SMYD3: variants seen among roughly 807,000 people sequenced by gnomAD.
The protein encoded by SMYD3 is histone-lysine N-methyltransferase SMYD3.
A neutral mutation model predicts 57.7 loss-of-function variants in SMYD3; 36 were observed. That is an observed-to-expected ratio of 0.62 (90% CI 0.48 to 0.82). SMYD3 has a LOEUF of 0.82. Ranked by LOEUF, SMYD3 falls within the 40% of genes least tolerant of loss-of-function variation. The probability of loss-of-function intolerance (pLI) is 0.00; values close to 1 mark genes in which losing one functional copy is unlikely to be tolerated. For missense variants in SMYD3, 515 were observed against 538.8 expected (o/e 0.96, Z 0.44); for synonymous variants, 211 against 195.0 (o/e 1.08, Z -0.68).
intron 5 of SMYD3, among the ~76,000 whole-genome samples, chr1:245,994,035 G>A (rs143045180): frequency 6.6e-6 from 1 of 152,280 alleles, no homozygotes; most frequent in East Asian, 1.9e-4. Context: ...CCGTTCTAAG[G>A]TGTAGGAAGA....
At chr1:246,473,769 C>T (rs1033545436) in intron 1 of SMYD3, among the ~76,000 whole-genome samples, 11 of 152,112 alleles carry the variant, frequency 7.2e-5, no homozygotes, top group African/African-American at 2.4e-4. Flanking sequence ...CGAGGGGGTA[C>T]CACTCCTCCA....
intron 10 of SMYD3, among the ~76,000 whole-genome samples, chr1:245,820,225 G>A (rs1170312200): frequency 6.6e-6 from 1 of 150,728 alleles, no homozygotes; most frequent in Non-Finnish European, 1.5e-5. Context: ...TCCCTGGGAT[G>A]CAAGGCTGGT....
chr1:246,148,782 C>G (rs571749476), intron 5 of SMYD3, among the ~76,000 whole-genome samples: 1 of 152,214 alleles, frequency 6.6e-6, no homozygotes, highest in Non-Finnish European at 1.5e-5. Flanking sequence ...TCCTAACCCC[C>G]TCCCCAACAT....
intron 5 of SMYD3, among the ~76,000 whole-genome samples, chr1:246,082,207 T>G (rs928126939): frequency 6.6e-6 from 1 of 152,178 alleles, no homozygotes; most frequent in African/African-American, 2.4e-5. Context: ...ATTAGGGTTA[T>G]GGGAGGGGCC....
chr1:245,911,955 T>C (rs1357727921), intron 8 of SMYD3, among the ~76,000 whole-genome samples: 1 of 152,138 alleles, frequency 6.6e-6, no homozygotes, highest in Non-Finnish European at 1.5e-5. Flanking sequence ...TCATTACACA[T>C]TGTATGCTGG....
chr1:246,170,695 A>C (rs184421671), intron 5 of SMYD3, among the ~76,000 whole-genome samples: 45 of 152,306 alleles, frequency 3.0e-4, no homozygotes, highest in African/African-American at 9.6e-4. Flanking sequence ...ATGGCATTTC[A>C]CTATTTACCT....
At chr1:246,228,996 ATTAAC>A (rs1255088534) in intron 5 of SMYD3, among the ~76,000 whole-genome samples, 2 of 152,174 alleles carry the variant, frequency 1.3e-5, no homozygotes, top group African/African-American at 4.8e-5. Context: ...CGAAGCTACA[ATTAAC>A]TTCATTTAGA....
chr1:246,085,242 A>G (rs1449287022), intron 5 of SMYD3, among the ~76,000 whole-genome samples: 3 of 152,106 alleles, frequency 2.0e-5, no homozygotes, highest in African/African-American at 7.2e-5. Flanking sequence ...CATCTGAAGT[A>G]CCCTAATGAG....
intron 5 of SMYD3, among the ~76,000 whole-genome samples, chr1:246,009,652 G>A (rs1363025091): frequency 6.6e-6 from 1 of 151,946 alleles, no homozygotes; most frequent in African/African-American, 2.4e-5. Context: ...AGAGCCGTAA[G>A]GCAAGTCTCT....
chr1:246,373,347 T>A (rs2066220637), intron 1 of SMYD3, among the ~76,000 whole-genome samples: 1 of 152,194 alleles, frequency 6.6e-6, no homozygotes, highest in Non-Finnish European at 1.5e-5. Context: ...GACAGATAGG[T>A]ATGTCAGCTT....
At chr1:245,853,728 A>T (rs1353704831) in intron 10 of SMYD3, among the ~76,000 whole-genome samples, 1 of 152,192 alleles carries the variant, frequency 6.6e-6, no homozygotes, top group Admixed American at 6.5e-5. Context: ...AAAGGAGAAA[A>T]AAAAAATCCC....
intron 5 of SMYD3, among the ~76,000 whole-genome samples, chr1:246,169,812 G>T (rs868742730): frequency 1.3e-5 from 2 of 151,690 alleles, no homozygotes; most frequent in African/African-American, 4.8e-5. Context: ...GCTGAGGCAG[G>T]AGAATCGCTT....
At chr1:245,891,951 T>C (rs2053410519) in intron 8 of SMYD3, among the ~76,000 whole-genome samples, 1 of 152,056 alleles carries the variant, frequency 6.6e-6, no homozygotes, top group East Asian at 1.9e-4. Context: ...GAGGCTGACA[T>C]GGGAGGATTG....
chr1:245,960,403 A>G (rs779129051), intron 5 of SMYD3, among the ~76,000 whole-genome samples: 12 of 152,196 alleles, frequency 7.9e-5, no homozygotes, highest in Non-Finnish European at 1.6e-4. Flanking sequence ...CTGCCTGAAA[A>G]TGACCCCGAC....
intron 5 of SMYD3, among the ~76,000 whole-genome samples, chr1:246,180,173 A>G (rs919250973): frequency 6.7e-6 from 1 of 148,536 alleles, no homozygotes; most frequent in Non-Finnish European, 1.5e-5. Context: ...ATTAGAAAAT[A>G]TATATCTACA....
chr1:246,211,569 G>A (rs1002995596), intron 5 of SMYD3, among the ~76,000 whole-genome samples: 3 of 151,972 alleles, frequency 2.0e-5, no homozygotes, highest in Admixed American at 1.3e-4. Context: ...AAAGCATATA[G>A]ACAATACCAA....
chr1:246,286,795 T>C (rs911060675), intron 5 of SMYD3, among the ~76,000 whole-genome samples: 1 of 152,120 alleles, frequency 6.6e-6, no homozygotes, highest in Non-Finnish European at 1.5e-5. Flanking sequence ...AGAAATTTTC[T>C]CCATTGACCA....
At position 246,203,724 on chromosome 1, in the gene SMYD3, T is replaced by C. The variant is rs1017735685; in HGVS notation, c.531+123477A>G. ...AGTACCGGTGGTTAGAACATCAACA[T>C]ATGAATTTGCGGGGACACAGTTCAG... On this transcript the variant is annotated intron_variant, in intron 5 of 11. Transcript: ENST00000490107. The surrounding 1 kb of genome is among the most constrained non-coding windows in gnomAD (Gnocchi z 4.6). Among the ~76,000 whole-genome samples, 1 of 152,152 alleles carries C rather than the reference T, an allele frequency of 6.6e-6. No individual in the cohort carries two copies. Among genetic ancestry groups the C allele is most frequent in the East Asian group, 1.9e-4 (1 of 5,200 alleles).
chr1:245,946,227 A>C lies in SMYD3; in HGVS notation c.532-16290T>G, dbSNP rs143327741. On this transcript the variant is annotated intron_variant, in intron 5 of 11. Coordinates refer to ENST00000490107, the MANE Select transcript of SMYD3 (RefSeq NM_001167740.2). ...AGAAAGGAGATACAGGAAGAGCTGA[A>C]TACAAGTGACAAAGAATCTGAACAG... Among the ~76,000 whole-genome samples the C allele has an allele frequency of 4.0e-3, 602 of 152,312 alleles. 4 individuals are homozygous for C. Among genetic ancestry groups the C allele is most frequent in the African/African-American group, 0.014 (575 of 41,562 alleles).
Sources: gnomAD v4.1 joint callset for allele counts (sites outside exome capture counted in the v4.1 genomes callset) on GRCh38, gnomAD v4.1.1 for gene constraint, Gnocchi (gnomAD v3.1) non-coding constraint, MANE v1.5 for transcripts, NCBI Gene and HGNC (gene_info 2026-07-23, HGNC 2026-07-21) for gene names.